PGM3: variants seen among roughly 807,000 people sequenced by gnomAD.
PGM3 encodes phosphoacetylglucosamine mutase.
PGM3 carries 40 observed loss-of-function variants against 66.2 expected under a neutral mutation model. The ratio of observed to expected loss-of-function variants is 0.60; its 90% CI spans 0.47 to 0.79. The LOEUF (loss-of-function observed/expected upper bound fraction) is 0.79. PGM3 is among the 30% of genes least tolerant of loss of function. The pLI is 0.00. For synonymous variants in PGM3, 191 were observed against 224.2 expected (o/e 0.85, Z 1.32); for missense variants, 537 against 643.4 (o/e 0.83, Z 1.79).
chr6:83,159,093 A>C (rs1481071504), downstream of PGM3, among the ~76,000 whole-genome samples: 1 of 152,202 alleles, frequency 6.6e-6, no homozygotes. Context: ...TAAATTGAAA[A>C]GTTCCTTTAA....
In PGM3 at chr6:83,168,036, A is replaced by G; in HGVS notation, c.*1198T>C. The G allele has an allele frequency of 6.2e-7, 1 of 1,614,194 alleles. No individual in the cohort carries two copies. Among genetic ancestry groups the G allele is most frequent in the Non-Finnish European group, 8.5e-7 (1 of 1,180,036 alleles). ...ATGTGGAGGACACTCAGGGAGTCCT[A>G]TCCTCTACTCAAATGCCTTCCCTAA... On this transcript the variant is annotated 3_prime_UTR_variant, in exon 13 of 13. Coordinates refer to ENST00000513973, the MANE Select transcript of PGM3 (RefSeq NM_015599.3).
rs1788040631 is a variant in PGM3, at chr6:83,179,800, C to T, written c.945+10G>A. The T allele has an allele frequency of 1.9e-6, 3 of 1,602,332 alleles. No homozygotes were observed. The highest frequency in any genetic ancestry group is 2.3e-5 in the South Asian group (2 of 88,644). ...CTTGTTTTAGAGGGTAGCCAATCCC[C>T]CCACCATACCTCCACCAGGAGCTCT... On this transcript the variant is annotated intron_variant, in intron 7 of 12. Coordinates refer to ENST00000513973, the MANE Select transcript of PGM3 (RefSeq NM_015599.3).
chr6:83,154,886 A>G, the PGM3 span, among the ~76,000 whole-genome samples: 2 of 152,378 alleles, frequency 1.3e-5, no homozygotes, highest in Admixed American at 6.5e-5. Context: ...TTCTTTAGCT[A>G]AAGCTACAGT....
Position 83,165,659 on chromosome 6 carries a change from G to A in PGM3, c.*3575C>T, listed in dbSNP as rs1241278894. ...TGTGGAAGCAATTTCCCTGCAAAAC[G>A]TTGCTGAGATGCCTAAAGAAGTGGT... On this transcript the variant is annotated 3_prime_UTR_variant, in exon 13 of 13. Transcript: ENST00000513973. 3 of 202,478 alleles carry A rather than the reference G, an allele frequency of 1.5e-5. No homozygotes were observed. Among genetic ancestry groups the A allele is most frequent in the South Asian group, 8.4e-5 (1 of 11,856 alleles). The allele number at this position is 202,478 out of a possible 1,614,324, so 12.5% of individuals were successfully genotyped here.
intron 1 of PGM3, among the ~76,000 whole-genome samples, chr6:83,192,181 G>T (rs965036385): frequency 2.0e-5 from 3 of 147,336 alleles, no homozygotes; most frequent in Admixed American, 6.8e-5. Flanking sequence ...CAGGAGAATC[G>T]CTTGAACCCG....
At chr6:83,162,046 CCTA>C (rs1297079619), downstream of PGM3, among the ~76,000 whole-genome samples, 2 of 151,934 alleles carry the variant, frequency 1.3e-5, no homozygotes, top group African/African-American at 4.8e-5. Context: ...AAATATATAT[CCTA>C]CATGTATAAT....
At chr6:83,159,877 G>A, downstream of PGM3, 3 of 1,614,122 alleles carry the variant, frequency 1.9e-6, no homozygotes, top group Non-Finnish European at 2.5e-6. Context: ...ACAGCCAGCG[G>A]TGGTTAAACC....
At chr6:83,178,873 A>G in intron 7 of PGM3, 117 bp from the exon 8 acceptor site, 1 of 672,216 alleles carries the variant, frequency 1.5e-6, no homozygotes, top group African/African-American at 1.8e-5. Flanking sequence ...GCCTTAGTTT[A>G]TGCCAAAAAT....
chr6:83,188,998 TAATC>T (rs1350304638), intron 2 of PGM3, among the ~76,000 whole-genome samples, 200 bp from the exon 3 acceptor site: 2 of 152,194 alleles, frequency 1.3e-5, no homozygotes, highest in South Asian at 2.1e-4. Context: ...ATGACACACA[TAATC>T]AATTAAACTA....
In PGM3 at chr6:83,167,617, C is replaced by G. The variant is rs1786087513; in HGVS notation, c.*1617G>C. On this transcript the variant is annotated 3_prime_UTR_variant, in exon 13 of 13. Transcript: ENST00000513973. ...TCCTGTTCAAAGCTATTTCTGTTAA[C>G]TAAGCTTATCTGCGCATTCTAGTTG... 1.7e-6 allele frequency: 2 copies of G among 1,195,372 alleles called. No individual in the cohort carries two copies. The highest frequency in any genetic ancestry group is 2.1e-6 in the Non-Finnish European group (2 of 965,002). 74.0% of individuals were successfully genotyped at this position (1,195,372 alleles called of 1,614,324 possible).
rs374155024 is a variant in PGM3 at position 83,182,923 on chromosome 6, C to T, written c.513G>A (p.Thr171=). 10 of 1,613,846 alleles carry T rather than the reference C, an allele frequency of 6.2e-6. No individual in the cohort carries two copies. Among genetic ancestry groups the T allele is most frequent in the African/African-American group, 5.3e-5 (4 of 75,010 alleles). Residue 171 remains threonine, a synonymous_variant, in exon 5 of 13, where the codon ACG becomes ACA. Coordinates refer to ENST00000513973, the MANE Select transcript of PGM3 (RefSeq NM_015599.3). ...TAGTTGCCTTTCCATATCGGCCACC[C>T]GTGTTTCGACAATACACCATGTAGT... ...QLHYMVYCRN[T]GGRYGKATIE...
rs369116726 is a variant in PGM3, at chr6:83,190,963, T to C, written c.50A>G (p.Asn17Ser). 2.0e-4 allele frequency: 323 copies of C among 1,614,196 alleles called. 5 individuals are homozygous for C. The South Asian group carries it at 3.1e-3, about 16-fold the overall frequency. ...TKYSALHAKP[N>S]GLILQYGTAG... is the part of the protein sequence containing the mutation. ...AGTCCCGTATTGAAGGATCAGTCCA[T>C]TGGGCTTGGCGTGTAATGCTGAGTA... is the stretch of plus-strand genomic sequence containing the variant. The change falls in exon 2 of 13, where the codon AAT becomes AGT. Residue 17 changes from asparagine (N) to serine (S), a missense_variant. Physicochemically the swap from Asn to Ser is conservative, Grantham distance 46 (BLOSUM62 1). Coordinates refer to ENST00000513973, the MANE Select transcript of PGM3 (RefSeq NM_015599.3).
chr6:83,153,372 A>C, the PGM3 span: 1 of 513,642 alleles, frequency 1.9e-6, no homozygotes, highest in South Asian at 4.2e-5. Context: ...TCATTAACAT[A>C]AAAATGATTC....
At chr6:83,150,893 A>G in the PGM3 span, among the ~76,000 whole-genome samples, 3 of 152,202 alleles carry the variant, frequency 2.0e-5, no homozygotes, top group African/African-American at 7.2e-5. Flanking sequence ...AAAAGTCAAC[A>G]TACCACTATA....
chr6:83,190,603 A>G, intron 2 of PGM3: 2 of 581,258 alleles, frequency 3.4e-6, no homozygotes, highest in Admixed American at 3.2e-5. Context: ...AAATGACAGT[A>G]TCTTTTCATT....
downstream of PGM3, among the ~76,000 whole-genome samples, chr6:83,163,451 AG>A (rs1433000887): frequency 2.0e-5 from 3 of 152,348 alleles, no homozygotes; most frequent in East Asian, 5.8e-4. Flanking sequence ...AATATGAGTC[AG>A]ATTTCATTGA....
intron 4 of PGM3, among the ~76,000 whole-genome samples, chr6:83,185,213 C>T (rs530736069): frequency 1.7e-4 from 26 of 152,306 alleles, no homozygotes; most frequent in Admixed American, 4.6e-4. Context: ...CTGCAGGCCA[C>T]AGCCTGCCAA....
At chr6:83,185,633 C>A (rs1479356477) in intron 4 of PGM3, among the ~76,000 whole-genome samples, 1 of 152,066 alleles carries the variant, frequency 6.6e-6, no homozygotes, top group Non-Finnish European at 1.5e-5. Flanking sequence ...GTGGCATGTG[C>A]CTGTAATCCC....
intron 4 of PGM3, among the ~76,000 whole-genome samples, chr6:83,183,794 C>G (rs1463680586): frequency 1.3e-5 from 2 of 151,912 alleles, no homozygotes; most frequent in Non-Finnish European, 2.9e-5. Context: ...GGCGCAATCT[C>G]AGCTCACTAC....
Sources: gnomAD v4.1 joint callset for allele counts (sites outside exome capture counted in the v4.1 genomes callset) on GRCh38, gnomAD v4.1.1 for gene constraint, MANE v1.5 for transcripts, NCBI Gene and HGNC (gene_info 2026-07-23, HGNC 2026-07-21) for gene names.